The following SI variants were observed in gnomAD, a reference collection of about 807,000 sequenced individuals.
SI encodes sucrase-isomaltase.
A neutral mutation model predicts 253.3 loss-of-function variants in SI; 235 were observed. That is an observed-to-expected ratio of 0.93 (90% CI 0.83 to 1.03). SI has a LOEUF of 1.03. Among genes scored for constraint, SI ranks in the 50% least tolerant of loss-of-function variants. The pLI is 0.00. For synonymous variants in SI, 819 were observed against 712.0 expected (o/e 1.15, Z -2.39); for missense variants, 2,442 against 2,211.1 (o/e 1.10, Z -2.09).
Position 165,046,986 on chromosome 3 carries a change from T to C in SI, c.1742A>G (p.Lys581Arg). Residue 581 changes from lysine (K) to arginine (R), a missense_variant, in exon 16 of 48, where the codon AAG becomes AGG. By Grantham distance (26) the Lys-to-Arg change is conservative (BLOSUM62 2). Coordinates refer to ENST00000264382, the MANE Select transcript of SI (RefSeq NM_001041.4). The stretch of plus-strand genomic sequence containing the variant: ...TGAGCGGGTAAGAATGAAGCTTCTC[T>C]TATTAGGAAAAACTTTTTGTACAGC... ...EQAVQKVFPN[K>R]RSFILTRSTF... is the part of the protein sequence containing the mutation. 1.2e-6 allele frequency: 2 copies of C among 1,609,408 alleles called. No individual in the cohort carries two copies. The highest frequency in any genetic ancestry group is 1.7e-6 in the Non-Finnish European group (2 of 1,178,056).
intron 12 of SI, among the ~76,000 whole-genome samples, 191 bp downstream of exon 12, chr3:165,058,772 A>T (rs528296316): frequency 2.0e-5 from 3 of 151,686 alleles, no homozygotes; most frequent in East Asian, 1.9e-4. Context: ...TTCTTATAAG[A>T]ACTGTTTTAT....
Position 165,062,445 on chromosome 3 carries a change from C to G in SI, c.946G>C (p.Val316Leu). Reference sequence around the variant, plus strand: ...TAAAAATCCAGAATGCCACCGGTAACTCTATATGTTACTATTGGAGTAGGC... The same window carrying G: ...TAAAAATCCAGAATGCCACCGGTAAGTCTATATGTTACTATTGGAGTAGGC... ...IQPTPIVTYR[V>L]TGGILDFYIL... The change falls in exon 9 of 48, where the codon GTT becomes CTT. Residue 316 changes from valine (V) to leucine (L), a missense_variant. By Grantham distance (32) the Val-to-Leu change is conservative. Coordinates refer to ENST00000264382, the MANE Select transcript of SI (RefSeq NM_001041.4). The G allele has an allele frequency of 6.2e-7, 1 of 1,605,004 alleles. No individual in the cohort carries two copies. The highest frequency in any genetic ancestry group is 8.5e-7 in the Non-Finnish European group (1 of 1,172,424).
At chr3:165,083,723 A>G in the SI span, among the ~76,000 whole-genome samples, 2 of 152,038 alleles carry the variant, frequency 1.3e-5, no homozygotes, top group Admixed American at 6.6e-5. Context: ...GATTATGTGC[A>G]TTATCTATTA....
chr3:165,043,199 T>A, intron 16 of SI, 24 bp from the exon 17 acceptor site: 1 of 1,486,136 alleles, frequency 6.7e-7, no homozygotes, highest in Non-Finnish European at 9.3e-7. Context: ...ATATTTACTA[T>A]TTATAATGTT....
intron 37 of SI, among the ~76,000 whole-genome samples, chr3:164,999,019 G>A (rs80169417): frequency 0.12 from 18,326 of 151,688 alleles, 1,179 homozygotes; most frequent in South Asian, 0.17. Flanking sequence ...TTTAATAAAG[G>A]CTTATGCTCT....
chr3:165,044,558 T>C (rs2108225033), intron 16 of SI, among the ~76,000 whole-genome samples: 1 of 152,160 alleles, frequency 6.6e-6, no homozygotes, highest in Non-Finnish European at 1.5e-5. Context: ...TATAGATTAC[T>C]CTTTCTATAG....
chr3:164,984,714 G>T (rs1717355378), intron 45 of SI, among the ~76,000 whole-genome samples: 1 of 151,992 alleles, frequency 6.6e-6, no homozygotes, highest in Admixed American at 6.6e-5. Context: ...CAAGTTTTAG[G>T]AGAAGTTCAT....
At chr3:165,085,955 A>G in the SI span, among the ~76,000 whole-genome samples, 1 of 152,108 alleles carries the variant, frequency 6.6e-6, no homozygotes, top group Non-Finnish European at 1.5e-5. Context: ...TACTCAAATT[A>G]TATTAAAAGA....
At chr3:165,059,112 C>A (rs764111228) in intron 11 of SI, 30 bp from the exon 12 acceptor site, 8 of 1,576,308 alleles carry the variant, frequency 5.1e-6, no homozygotes, top group Non-Finnish European at 1.7e-6. Flanking sequence ...ACTGCAAAAT[C>A]TATTAACTTA....
At position 165,006,777 on chromosome 3, in the gene SI, A is replaced by C. The variant is rs1464236912; in HGVS notation, c.4406+39T>G. On this transcript the variant is annotated intron_variant, in intron 37 of 47. Transcript: ENST00000264382. ...TAACATTAAATGTAAGAACCAAAGA[A>C]TAAAAGAGTCAGAGAGGATAATTCA... 1.3e-6 allele frequency: 2 copies of C among 1,574,020 alleles called. No homozygotes were observed. The highest frequency in any genetic ancestry group is 1.7e-5 in the Admixed American group (1 of 59,892).
At position 165,043,042 on chromosome 3, in the gene SI, G is replaced by C; in HGVS notation, c.2004+17C>G. 7.0e-7 allele frequency: 1 copy of C among 1,418,868 alleles called. No homozygotes were observed. Among genetic ancestry groups the C allele is most frequent in the Non-Finnish European group, 1.0e-6 (1 of 1,002,354 alleles). 87.9% of individuals were successfully genotyped at this position (1,418,868 alleles called of 1,614,324 possible). A position where few individuals can be genotyped will look rare whatever the true frequency, so the allele number is the denominator to read the frequency against. On this transcript the variant is annotated intron_variant, in intron 17 of 47. Transcript: ENST00000264382. ...GTTGTTTTTTATTTCGCAACATGGA[G>C]AACAAGAGGCTCTTACTTCATATCC...
At chr3:165,003,590 A>G (rs1295825713) in intron 37 of SI, among the ~76,000 whole-genome samples, 1 of 152,066 alleles carries the variant, frequency 6.6e-6, no homozygotes, top group East Asian at 1.9e-4. Context: ...GGTTTTACTA[A>G]GCGAGAAATT....
intron 25 of SI, 111 bp downstream of exon 25, chr3:165,030,601 C>G (rs749290298): frequency 7.2e-6 from 8 of 1,110,196 alleles, no homozygotes; most frequent in Non-Finnish European, 1.1e-5. Flanking sequence ...AAATGATTAT[C>G]TACTTGAATT....
chr3:165,006,690 T>C (rs529693547), intron 37 of SI, 126 bp downstream of exon 37: 1 of 769,220 alleles, frequency 1.3e-6, no homozygotes, highest in East Asian at 2.7e-5. Flanking sequence ...AAGGAAGAAG[T>C]TACAGAGAAC....
In SI at chr3:165,055,392, T is replaced by A. The variant is rs1310657292; in HGVS notation, c.1399-85A>T. ...TTCAAATTAATAAAGTTGAGAATAGTAAAAAAAAATAAAGTTATTCTACTT... is the reference window on the plus strand; with the variant it reads ...TTCAAATTAATAAAGTTGAGAATAGAAAAAAAAAATAAAGTTATTCTACTT... On this transcript the variant is annotated intron_variant, in intron 12 of 47. Transcript: ENST00000264382. 5.4e-6 allele frequency: 4 copies of A among 741,002 alleles called. No individual in the cohort carries two copies. In the Admixed American group the frequency reaches 6.6e-5, roughly 12 times the overall value. The allele number at this position is 741,002 out of a possible 1,614,324, so 45.9% of individuals were successfully genotyped here.
chr3:165,089,442 T>C, the SI span, among the ~76,000 whole-genome samples: 1 of 152,028 alleles, frequency 6.6e-6, no homozygotes, highest in Non-Finnish European at 1.5e-5. Context: ...AAGCCACCCC[T>C]GGTACAGACA....
At position 165,040,833 on chromosome 3, in the gene SI, G is replaced by A. The variant is rs1026336656; in HGVS notation, c.2159+107C>T. ...ATCATTTACACCAATGTAAAAACAA[G>A]CAGCAGAAGTTTAATTGATATCTTG... is the stretch of plus-strand genomic sequence containing the variant. On this transcript the variant is annotated intron_variant, in intron 18 of 47. Coordinates refer to ENST00000264382, the MANE Select transcript of SI (RefSeq NM_001041.4). The A allele has an allele frequency of 7.0e-6, 6 of 855,768 alleles. No homozygotes were observed. In the African/African-American group the frequency reaches 1.0e-4, roughly 14 times the overall value. 53.0% of individuals were successfully genotyped at this position (855,768 alleles called of 1,614,324 possible).
Position 165,067,365 on chromosome 3 carries a change from T to A in SI, c.610A>T (p.Ile204Phe). 6.2e-7 allele frequency: 1 copy of A among 1,610,806 alleles called. No individual in the cohort carries two copies. Among genetic ancestry groups the A allele is most frequent in the South Asian group, 1.1e-5 (1 of 90,670 alleles). Residue 204 changes from isoleucine to phenylalanine, a missense_variant, in exon 6 of 48, where the codon ATT becomes TTT. Transcript: ENST00000264382. ...VAQNPFSIQV[I>F]RKSNGKTLFD... ...AAAGTTTTACCGTTGCTTTTCCTAA[T>A]AACTTGGATGCTAAATGGGTTTTGG... is the stretch of plus-strand genomic sequence containing the variant.
intron 46 of SI, 93 bp from the exon 47 acceptor site, chr3:164,982,503 G>C: frequency 1.1e-6 from 1 of 876,298 alleles, no homozygotes; most frequent in Non-Finnish European, 1.9e-6. Context: ...AATGTATTTC[G>C]TAGTATAATA....
Sources: gnomAD v4.1 joint callset for allele counts (sites outside exome capture counted in the v4.1 genomes callset) on GRCh38, gnomAD v4.1.1 for gene constraint, MANE v1.5 for transcripts, NCBI Gene and HGNC (gene_info 2026-07-23, HGNC 2026-07-21) for gene names.